ACYP2: variants seen among roughly 807,000 people sequenced by gnomAD.
The protein encoded by ACYP2 is acylphosphatase-2.
Under a neutral mutation model 11.2 loss-of-function variants are expected in ACYP2, and 12 were observed. The observed-to-expected ratio is 1.08, with a 90% CI of 0.69 to 1.74. ACYP2 has a LOEUF of 1.74. ACYP2 is among the 40% of genes most tolerant of loss of function. ACYP2 has a pLI of 0.00. For synonymous variants in ACYP2, 43 were observed against 32.2 expected (o/e 1.33, Z -1.13); for missense variants, 134 against 101.9 (o/e 1.31, Z -1.35).
intron 6 of ACYP2, among the ~76,000 whole-genome samples, chr2:54,154,638 G>T (rs1025745088): frequency 1.3e-5 from 2 of 152,134 alleles, no homozygotes. Flanking sequence ...TGATCATGGT[G>T]AATGATCCTT....
At position 54,014,739 on chromosome 2, in the gene ACYP2, TTTC is replaced by T. The variant is rs1272706828; in HGVS notation, c.63-36216_63-36214del. 6.7e-3 allele frequency among the ~76,000 whole-genome samples: 1,027 copies of T among 152,196 alleles called. 9 individuals are homozygous for T. Among genetic ancestry groups the T allele is most frequent in the African/African-American group, 0.023 (949 of 41,500 alleles). The stretch of plus-strand genomic sequence containing the variant: ...ATAAATTTGTAAAAAAAAAATTTTT[TTTC>T]TTTTTTGTTTCTTTTTATTTATTTA... On this transcript the variant is annotated intron_variant, in intron 2 of 6. Coordinates refer to ENST00000607452, the MANE Select transcript of ACYP2 (RefSeq NM_001320586.2).
At chr2:54,166,770 C>A (rs1023236844) in intron 6 of ACYP2, among the ~76,000 whole-genome samples, 4 of 152,056 alleles carry the variant, frequency 2.6e-5, no homozygotes, top group Admixed American at 2.6e-4. Flanking sequence ...GCTTTTGTAT[C>A]CCCACCTTCC....
chr2:54,206,051 G>A (rs1360067225), intron 6 of ACYP2, among the ~76,000 whole-genome samples: 1 of 151,944 alleles, frequency 6.6e-6, no homozygotes, highest in Admixed American at 6.6e-5. Context: ...TACTGATTCT[G>A]CCTAGTACTG....
chr2:54,248,239 T>A (rs1325013561), intron 6 of ACYP2, among the ~76,000 whole-genome samples: 8 of 152,236 alleles, frequency 5.3e-5, no homozygotes, highest in Non-Finnish European at 1.0e-4. Context: ...CCATGTCCAT[T>A]AACACTTATC....
intron 5 of ACYP2, among the ~76,000 whole-genome samples, chr2:54,137,281 A>T (rs553789419): frequency 2.6e-4 from 40 of 151,128 alleles, no homozygotes; most frequent in Admixed American, 8.6e-4. Flanking sequence ...TTTCTTTTTT[A>T]AAAAAAAATT....
intron 4 of ACYP2, among the ~76,000 whole-genome samples, chr2:54,061,254 T>G (rs1372416806): frequency 6.6e-6 from 1 of 152,254 alleles, no homozygotes; most frequent in Non-Finnish European, 1.5e-5. Context: ...AAATATTACA[T>G]TATTAAAAAT....
At position 54,057,507 on chromosome 2, in the gene ACYP2, C is replaced by T. The variant is rs187894417; in HGVS notation, c.277+147C>T. 4.6e-4 allele frequency: 176 copies of T among 384,908 alleles called. 2 individuals are homozygous for T. The Admixed American group carries it at 4.7e-3, about 10-fold the overall frequency. The allele number at this position is 384,908 out of a possible 1,614,324, so 23.8% of individuals were successfully genotyped here. ...GGAAAAAGTGCCCATGTAAAAGAAA[C>T]GAATATTGAGTCTATGTTTGATTGA... On this transcript the variant is annotated intron_variant, in intron 4 of 6. Coordinates refer to ENST00000607452, the MANE Select transcript of ACYP2 (RefSeq NM_001320586.2).
chr2:54,151,847 C>CT (rs1209328301), intron 6 of ACYP2, among the ~76,000 whole-genome samples: 2 of 151,976 alleles, frequency 1.3e-5, no homozygotes. Flanking sequence ...TACTTTTTAT[C>CT]TTTTTTTCTT....
chr2:54,092,977 C>G (rs1427976030), intron 4 of ACYP2, among the ~76,000 whole-genome samples: 1 of 152,166 alleles, frequency 6.6e-6, no homozygotes, highest in Non-Finnish European at 1.5e-5. Context: ...GGGGTACAAT[C>G]GTTCAGAGTA....
intron 2 of ACYP2, among the ~76,000 whole-genome samples, chr2:54,050,316 G>C (rs1675775463): frequency 6.6e-6 from 1 of 152,100 alleles, no homozygotes; most frequent in African/African-American, 2.4e-5. Context: ...GGGAGGCTGA[G>C]GTGGGTGGAT....
chr2:54,163,207 C>G (rs1409168770), intron 6 of ACYP2, among the ~76,000 whole-genome samples: 2 of 152,152 alleles, frequency 1.3e-5, no homozygotes, highest in African/African-American at 4.8e-5. Context: ...ATAGTAAGGC[C>G]ATAACCATGC....
chr2:54,190,151 C>A (rs1483101690), intron 6 of ACYP2, among the ~76,000 whole-genome samples: 2 of 151,900 alleles, frequency 1.3e-5, no homozygotes, highest in Non-Finnish European at 2.9e-5. Flanking sequence ...TTTTCCAATC[C>A]ATAATTTGCC....
chr2:54,112,155 C>T (rs1211732467), intron 4 of ACYP2, among the ~76,000 whole-genome samples: 1 of 152,090 alleles, frequency 6.6e-6, no homozygotes, highest in Non-Finnish European at 1.5e-5. Flanking sequence ...ATTATATAAG[C>T]AGGATTTTCC....
At chr2:54,276,657 A>ACACAC (rs56679038) in intron 6 of ACYP2, among the ~76,000 whole-genome samples, 1 of 147,422 alleles carries the variant, frequency 6.8e-6, no homozygotes, top group Admixed American at 6.7e-5. Flanking sequence ...ACACACACAC[A>ACACAC]CACACCACAC....
At chr2:54,085,925 AAAAG>A (rs1677922662) in intron 4 of ACYP2, among the ~76,000 whole-genome samples, 6 of 152,130 alleles carry the variant, frequency 3.9e-5, no homozygotes, top group African/African-American at 1.2e-4. Context: ...TGGTGACTCT[AAAAG>A]TTTCTTTGAG....
intron 6 of ACYP2, among the ~76,000 whole-genome samples, chr2:54,149,190 T>C (rs147658931): frequency 8.5e-4 from 129 of 152,344 alleles, no homozygotes; most frequent in African/African-American, 2.8e-3. Flanking sequence ...TGCAGAAATC[T>C]GAATTAAATT....
intron 2 of ACYP2, among the ~76,000 whole-genome samples, chr2:53,997,888 C>CGGAA (rs1672649023): frequency 6.6e-6 from 1 of 152,156 alleles, no homozygotes; most frequent in Admixed American, 6.5e-5. Flanking sequence ...GACCCTCTTC[C>CGGAA]TCTTCTGTTT....
intron 5 of ACYP2, 81 bp downstream of exon 2, chr2:54,135,550 TTGGCGCTAGTCTAC>T: frequency 8.3e-7 from 1 of 1,204,712 alleles, no homozygotes; most frequent in Non-Finnish European, 1.2e-6. Flanking sequence ...AGTTTTCTAC[TTGGCGCTAGTCTAC>T]TGTTTACTCC....
intron 6 of ACYP2, among the ~76,000 whole-genome samples, chr2:54,147,693 T>G (rs1681958827): frequency 6.6e-6 from 1 of 152,048 alleles, no homozygotes; most frequent in South Asian, 2.1e-4. Context: ...CCTAGCTAAT[T>G]TTTTAATTTT....
Sources: allele counts gnomAD v4.1 joint callset (sites outside exome capture counted in the v4.1 genomes callset), GRCh38; gene constraint gnomAD v4.1.1; transcripts MANE v1.5; gene names NCBI Gene and HGNC (gene_info 2026-07-23, HGNC 2026-07-21).